Variants in FLNC observed in about 807,000 individuals in gnomAD.
FLNC encodes the protein filamin-C.
FLNC carries 91 observed loss-of-function variants against 254.3 expected under a neutral mutation model. The observed-to-expected ratio is 0.36, with a 90% confidence interval of 0.30 to 0.43. The LOEUF is 0.43. FLNC is among the 20% of genes least tolerant of loss of function. The pLI is 1.00. For synonymous variants in FLNC, 1,430 were observed against 1,577.2 expected, an observed-to-expected ratio of 0.91 and a Z score of 2.21; for missense variants, 2,853 against 3,802.6, an observed-to-expected ratio of 0.75 and a Z score of 6.57.
rs1808481662 is a variant in FLNC, at chr7:128,844,729, G to A, written c.3264G>A (p.Lys1088=). Reference sequence around the variant, plus strand: ...CCGCGCCATTCTCCATCGACACCAAGGGGGCTGGCACAGGTGGCCTGGGGC... The same window carrying A: ...CCGCGCCATTCTCCATCGACACCAAAGGGGCTGGCACAGGTGGCCTGGGGC... ...GTPAPFSIDT[K]GAGTGGLGLT... The change falls in exon 21 of 48, where the codon AAG becomes AAA. Residue 1088 remains lysine, a synonymous_variant. Coordinates refer to ENST00000325888, the MANE Select transcript of FLNC (RefSeq NM_001458.5). The A allele has an allele frequency of 6.2e-7, 1 of 1,613,880 alleles. No individual in the cohort carries two copies. The highest frequency in any genetic ancestry group is 1.1e-5 in the South Asian group (1 of 91,084).
At chr7:128,847,573 C>A in intron 24 of FLNC, 124 bp from the exon 25 acceptor site, 1 of 1,065,060 alleles carries the variant, frequency 9.4e-7, no homozygotes, top group Non-Finnish European at 1.4e-6. Flanking sequence ...GCCATTTTCC[C>A]ATGTTGGTCT....
intron 10 of FLNC, 71 bp from the exon 11 acceptor site, chr7:128,840,763 G>A: frequency 1.3e-6 from 2 of 1,504,738 alleles, no homozygotes; most frequent in South Asian, 1.2e-5. Flanking sequence ...TTTGAGGGGA[G>A]ATGGAGTTTG....
rs771914549 is a variant in FLNC at position 128,838,492 on chromosome 7, G to T, written c.1210+63G>T. ...TGACCATGTGGGGCTGTGTGGGGGT[G>T]GGGGGAGGCTGGGACAGGGATGCCA... On this transcript the variant is annotated intron_variant, in intron 7 of 47. Transcript: ENST00000325888. 10 of 1,598,900 alleles carry T rather than the reference G, an allele frequency of 6.3e-6. No individual in the cohort carries two copies. The African/African-American group carries it at 9.4e-5, about 15-fold the overall frequency.
rs554658261 is a variant in FLNC, at chr7:128,835,549, C to T, written c.576C>T (p.Gly192=). The T allele has an allele frequency of 2.3e-5, 37 of 1,613,400 alleles. No homozygotes were observed. Among genetic ancestry groups the T allele is most frequent in the South Asian group, 5.5e-5 (5 of 91,086 alleles). ...ACTGGCAGGACGGCAAAGCTCTGGG[C>T]GCCCTGGTGGACAACTGCGCCCCCG... ...NRDWQDGKAL[G]ALVDNCAPGL... The change falls in exon 2 of 48, where the codon GGC becomes GGT. Residue 192 remains glycine (G), a synonymous_variant. Coordinates refer to ENST00000325888, the MANE Select transcript of FLNC (RefSeq NM_001458.5). The surrounding 1 kb of genome is among the most constrained non-coding windows in gnomAD (Gnocchi z 5.3).
rs756806116 is a variant in FLNC, at chr7:128,840,980, T to A, written c.1813+10T>A. Reference sequence around the variant, plus strand: ...GAGGTGGGGACACTGGGTAAGTGGCTGGGGGGCAGGAGGAGGGAGTGCTGC... The same window carrying A: ...GAGGTGGGGACACTGGGTAAGTGGCAGGGGGGCAGGAGGAGGGAGTGCTGC... On this transcript the variant is annotated intron_variant, in intron 11 of 47. Transcript: ENST00000325888. The A allele has an allele frequency of 2.0e-5, 32 of 1,581,270 alleles. No homozygotes were observed. Among genetic ancestry groups the A allele is most frequent in the Non-Finnish European group, 2.8e-5 (32 of 1,163,484 alleles).
Position 128,840,944 on chromosome 7 carries a change from C to G in FLNC, c.1787C>G (p.Ala596Gly). ...VGKSADFVVE[A>G]IGTEVGTLGF... The stretch of plus-strand genomic sequence containing the variant: ...AAGTCAGCCGATTTTGTGGTGGAAG[C>G]CATTGGCACCGAGGTGGGGACACTG... Residue 596 changes from alanine to glycine, a missense_variant, in exon 11 of 48, where the codon GCC (alanine) becomes GGC (glycine). Physicochemically the swap from Ala to Gly is moderately conservative, Grantham distance 60. Coordinates refer to ENST00000325888, the MANE Select transcript of FLNC (RefSeq NM_001458.5). 6.2e-7 allele frequency: 1 copy of G among 1,603,972 alleles called. No individual in the cohort carries two copies. The highest frequency in any genetic ancestry group is 8.5e-7 in the Non-Finnish European group (1 of 1,175,140).
chr7:128,853,889 C>G (rs577503639), intron 39 of FLNC, 52 bp downstream of exon 39: 1 of 1,613,018 alleles, frequency 6.2e-7, no homozygotes, highest in African/African-American at 1.3e-5. Context: ...AGGGCTGGCC[C>G]GGGCCAGAGC....
Position 128,835,141 on chromosome 7 carries a change from G to A in FLNC, c.353-185G>A, listed in dbSNP as rs1045172271. Among the ~76,000 whole-genome samples, 5 of 152,100 alleles carry A rather than the reference G, an allele frequency of 3.3e-5. No individual in the cohort carries two copies. Among genetic ancestry groups the A allele is most frequent in the Admixed American group, 6.5e-5 (1 of 15,284 alleles). ...AACACAGAGAAGCAGCCTTCTGACC[G>A]GAAGGGCCCCATAAAGAACTTGGCA... is the stretch of plus-strand genomic sequence containing the variant. On this transcript the variant is annotated intron_variant, in intron 1 of 47. Coordinates refer to ENST00000325888, the MANE Select transcript of FLNC (RefSeq NM_001458.5). The surrounding 1 kb of genome is among the most constrained non-coding windows in gnomAD (Gnocchi z 5.3).
chr7:128,858,584 C>A lies in FLNC; in HGVS notation c.*61C>A, dbSNP rs1332839424. The A allele has an allele frequency of 6.9e-6, 7 of 1,010,082 alleles. No homozygotes were observed. The highest frequency in any genetic ancestry group is 3.0e-6 in the Non-Finnish European group (2 of 656,254). The allele number at this position is 1,010,082 out of a possible 1,614,324, so 62.6% of individuals were successfully genotyped here. On this transcript the variant is annotated 3_prime_UTR_variant, in exon 48 of 48. Coordinates refer to ENST00000325888, the MANE Select transcript of FLNC (RefSeq NM_001458.5). This position sits in a 1 kb window ranked among gnomAD's most constrained non-coding sequence, Gnocchi z 6.7. ...TCCAGCCACACACACATTACACACA[C>A]ACACACACACACACAAATGTGCCAC... is the stretch of plus-strand genomic sequence containing the variant.
chr7:128,855,963 C>T (rs368869132), intron 43 of FLNC, among the ~76,000 whole-genome samples: 4 of 152,186 alleles, frequency 2.6e-5, no homozygotes, highest in Non-Finnish European at 2.9e-5. Context: ...TTCTCCCACG[C>T]GCCTCCTGGC....
chr7:128,832,098 C>T (rs1335703609), intron 1 of FLNC, among the ~76,000 whole-genome samples: 28 of 152,174 alleles, frequency 1.8e-4, no homozygotes, highest in Admixed American at 1.8e-3. Context: ...TGATGTCTGT[C>T]AGCCCCACTC....
At position 128,856,308 on chromosome 7, in the gene FLNC, C is replaced by T. The variant is rs1431021409; in HGVS notation, c.7252-210C>T. Among the ~76,000 whole-genome samples the T allele has an allele frequency of 6.6e-6, 1 of 152,256 alleles. No homozygotes were observed. The highest frequency in any genetic ancestry group is 1.5e-5 in the Non-Finnish European group (1 of 68,048). ...TCTGTCATCTCCCACACACCAAGCA[C>T]AGCTAGGATAGCAGGTGCACACATA... On this transcript the variant is annotated intron_variant, in intron 43 of 47. Transcript: ENST00000325888. This position sits in a 1 kb window ranked among gnomAD's most constrained non-coding sequence, Gnocchi z 5.9.
In FLNC at chr7:128,838,651, G is replaced by A. The variant is rs371410741; in HGVS notation, c.1259G>A (p.Arg420Gln). The A allele has an allele frequency of 5.0e-5, 81 of 1,612,978 alleles. 1 individual carries two copies. The highest frequency in any genetic ancestry group is 3.2e-4 in the African/African-American group (24 of 74,932). ...VAVVIVDPQG[R>Q]RDTVEVALED... ...GTGGTGATCGTGGACCCACAGGGCC[G>A]GCGGGACACAGTGGAGGTGGCCCTG... Residue 420 changes from arginine to glutamine, a missense_variant, in exon 8 of 48, where the codon CGG (arginine) becomes CAG (glutamine). By Grantham distance (43) the Arg-to-Gln change is conservative. Around this residue, in one of 10 missense-constraint regions of FLNC, gnomAD observed 1,573 missense variants for 1,883.5 expected, o/e 0.84. Coordinates refer to ENST00000325888, the MANE Select transcript of FLNC (RefSeq NM_001458.5).
Position 128,851,607 on chromosome 7 carries a change from C to A in FLNC, c.5821C>A (p.Pro1941Thr). Residue 1941 changes from proline to threonine, a missense_variant, in exon 35 of 48, where the codon CCC (proline) becomes ACC (threonine). Transcript: ENST00000325888. ...CGATGACAAGCACATCCCGGGGAGCCCCTTCACAGCCAAGATCACAGGTGA... is the reference window on the plus strand; with the variant it reads ...CGATGACAAGCACATCCCGGGGAGCACCTTCACAGCCAAGATCACAGGTGA... ...RFDDKHIPGS[P>T]FTAKITGDDS... is the part of the protein sequence containing the mutation. 6.2e-7 allele frequency: 1 copy of A among 1,613,896 alleles called. No homozygotes were observed. The highest frequency in any genetic ancestry group is 8.5e-7 in the Non-Finnish European group (1 of 1,180,034).
intron 35 of FLNC, 79 bp downstream of exon 35, chr7:128,851,707 G>A (rs907955100): frequency 1.0e-5 from 15 of 1,481,282 alleles, no homozygotes; most frequent in African/African-American, 4.2e-5. Context: ...AGCCCAGCCC[G>A]TTCAAGTCAC....
rs1808041509 is a variant in FLNC, at chr7:128,835,027, C to G, written c.353-299C>G. Among the ~76,000 whole-genome samples, 1 of 152,212 alleles carries G rather than the reference C, an allele frequency of 6.6e-6. No individual in the cohort carries two copies. The highest frequency in any genetic ancestry group is 1.5e-5 in the Non-Finnish European group (1 of 68,048). ...CTGCCCTGGGAGCCTTACAATCCCA[C>G]AAGGCCAGAAAGAAACCAGGTAATT... On this transcript the variant is annotated intron_variant, in intron 1 of 47. Transcript: ENST00000325888. This position sits in a 1 kb window ranked among gnomAD's most constrained non-coding sequence, Gnocchi z 5.3.
At chr7:128,833,514 C>T (rs1186189960) in intron 1 of FLNC, among the ~76,000 whole-genome samples, 2 of 152,188 alleles carry the variant, frequency 1.3e-5, no homozygotes, top group Non-Finnish European at 2.9e-5. Context: ...CTGCCCTTCT[C>T]CTGCCCCAAG....
rs201922688 is a variant in FLNC, at chr7:128,846,308, T to C, written c.3972T>C (p.His1324=). The change falls in exon 23 of 48, where the codon CAT becomes CAC. Residue 1324 remains histidine (H), a synonymous_variant. Coordinates refer to ENST00000325888, the MANE Select transcript of FLNC (RefSeq NM_001458.5). ...CCTGTGGCTGGCTTCCAGGCGTGCA[T>C]CTGGTGGAGGTCCTGTATGATGAGG... ...VQYTAYEEGV[H]LVEVLYDEVA... 159 of 1,613,714 alleles carry C rather than the reference T, an allele frequency of 9.9e-5. No homozygotes were observed. The highest frequency in any genetic ancestry group is 1.3e-4 in the Non-Finnish European group (152 of 1,179,960).
chr7:128,838,020 A>G lies in FLNC; in HGVS notation c.1003A>G (p.Thr335Ala), dbSNP rs1391359143. ...GGTTCCCAACAATGACAAGGATCGC[A>G]CCTATGCTGTCTCCTATGTGCCCAA... ...KVVPNNDKDRTYAVSYVPKVA... is the reference protein window; with the variant it reads ...KVVPNNDKDRAYAVSYVPKVA... Residue 335 changes from threonine to alanine, a missense_variant, in exon 6 of 48, where the codon ACC becomes GCC. Thr to Ala is a moderately conservative substitution (Grantham distance 58, BLOSUM62 0). Around this residue, in one of 10 missense-constraint regions of FLNC, gnomAD observed 1,573 missense variants for 1,883.5 expected, o/e 0.84. Transcript: ENST00000325888. 3.7e-6 allele frequency: 6 copies of G among 1,613,924 alleles called. No homozygotes were observed. The South Asian group carries it at 5.5e-5, about 15-fold the overall frequency.
Sources: allele counts gnomAD v4.1 joint callset (sites outside exome capture counted in the v4.1 genomes callset), GRCh38; gene constraint gnomAD v4.1.1; regional missense constraint gnomAD v4.1.1; non-coding constraint Gnocchi (gnomAD v3.1); transcripts MANE v1.5; gene names NCBI Gene and HGNC (gene_info 2026-07-23, HGNC 2026-07-21).